Variants in CACNG2 observed in about 807,000 individuals in gnomAD.
The protein encoded by CACNG2 is calcium voltage-gated channel auxiliary subunit gamma 2.
In CACNG2, 3 loss-of-function variants were observed where a neutral mutation model predicts 25.9. The ratio of observed to expected loss-of-function variants is 0.12; its 90% CI spans 0.05 to 0.30. The LOEUF is 0.30. CACNG2 is among the 10% of genes least tolerant of loss of function. The probability of loss-of-function intolerance (pLI) is 1.00; values close to 1 mark genes in which losing one functional copy is unlikely to be tolerated. For synonymous variants in CACNG2, 167 were observed against 173.3 expected (o/e 0.96, Z 0.29); for missense variants, 341 against 432.5 (o/e 0.79, Z 1.88).
intron 1 of CACNG2, among the ~76,000 whole-genome samples, chr22:36,685,968 C>G (rs1293231730): frequency 2.0e-5 from 3 of 152,222 alleles, no homozygotes; most frequent in Admixed American, 1.3e-4. Context: ...GGCACTGTGC[C>G]GGACAGCCGG....
chr22:36,702,199 A>T (rs41307225), intron 1 of CACNG2, among the ~76,000 whole-genome samples, 167 bp downstream of exon 1: 1,810 of 150,850 alleles, frequency 0.012, 5 homozygotes, highest in Non-Finnish European at 0.018. Flanking sequence ...TTGCTTATTG[A>T]TTTTCTTTCC....
At chr22:36,678,252 A>C (rs1310110433) in intron 1 of CACNG2, among the ~76,000 whole-genome samples, 1 of 152,184 alleles carries the variant, frequency 6.6e-6, no homozygotes, top group East Asian at 1.9e-4. Context: ...CCTGGCTGAA[A>C]TTTATGTCAC....
chr22:36,643,230 C>T (rs182755057), intron 1 of CACNG2, among the ~76,000 whole-genome samples: 148 of 149,618 alleles, frequency 9.9e-4, no homozygotes, highest in African/African-American at 3.5e-3. Flanking sequence ...TTCCTTCCTT[C>T]CCTTTTTGTC....
chr22:36,701,210 T>TC (rs1419377136), intron 1 of CACNG2, among the ~76,000 whole-genome samples: 1 of 152,070 alleles, frequency 6.6e-6, no homozygotes, highest in Non-Finnish European at 1.5e-5. Context: ...CCTCTTTTTT[T>TC]CCCCCACATG....
intron 1 of CACNG2, among the ~76,000 whole-genome samples, chr22:36,591,789 G>A (rs892173535): frequency 2.6e-5 from 4 of 152,166 alleles, no homozygotes; most frequent in Non-Finnish European, 4.4e-5. Context: ...CACAGCACAA[G>A]GGGGGTGGTG....
At chr22:36,589,343 G>T (rs1935552634) in intron 1 of CACNG2, among the ~76,000 whole-genome samples, 1 of 152,064 alleles carries the variant, frequency 6.6e-6, no homozygotes, top group South Asian at 2.1e-4. Flanking sequence ...TATATATTAG[G>T]TTGGTGCAAA....
At chr22:36,640,653 C>T (rs755015154) in intron 1 of CACNG2, among the ~76,000 whole-genome samples, 1 of 152,248 alleles carries the variant, frequency 6.6e-6, no homozygotes, top group Non-Finnish European at 1.5e-5. Flanking sequence ...CACCTTCCCT[C>T]ACTCACTCCT....
intron 1 of CACNG2, among the ~76,000 whole-genome samples, chr22:36,592,950 G>A (rs955476564): frequency 6.6e-6 from 1 of 152,186 alleles, no homozygotes; most frequent in Non-Finnish European, 1.5e-5. Context: ...GCCCAGCCCA[G>A]CCCAGTCCCA....
chr22:36,588,478 T>C (rs895314425), intron 1 of CACNG2, among the ~76,000 whole-genome samples: 3 of 152,182 alleles, frequency 2.0e-5, no homozygotes, highest in African/African-American at 7.2e-5. Context: ...GAGCATCGGC[T>C]TCCTGACAGC....
In CACNG2 at chr22:36,702,739, A is replaced by G; in HGVS notation, c.-163T>C. 3 of 603,480 alleles carry G rather than the reference A, an allele frequency of 5.0e-6. No individual in the cohort carries two copies. In the South Asian group the frequency reaches 6.5e-5, roughly 13 times the overall value. 37.4% of individuals were successfully genotyped at this position (603,480 alleles called of 1,614,324 possible). A position where few individuals can be genotyped will look rare whatever the true frequency, so the allele number is the denominator to read the frequency against. ...AGAGAATATGGAGAGTTATAAAAAA[A>G]GGGAGGTAAGAAAGCTCACGGAAAA... On this transcript the variant is annotated 5_prime_UTR_variant, in exon 1 of 4. Transcript: ENST00000300105.
chr22:36,605,367 G>T (rs1935815403), intron 1 of CACNG2, among the ~76,000 whole-genome samples: 1 of 152,174 alleles, frequency 6.6e-6, no homozygotes, highest in South Asian at 2.1e-4. Context: ...GAGCCACCAT[G>T]CCCGGCCCCA....
intron 1 of CACNG2, among the ~76,000 whole-genome samples, chr22:36,681,554 G>A (rs1444727859): frequency 6.7e-6 from 1 of 148,166 alleles, no homozygotes; most frequent in Non-Finnish European, 1.5e-5. Flanking sequence ...TTTTTGGGGG[G>A]CAGCCACTTT....
intron 2 of CACNG2, among the ~76,000 whole-genome samples, chr22:36,568,619 G>C (rs1317644176): frequency 2.0e-5 from 3 of 151,944 alleles, no homozygotes; most frequent in African/African-American, 7.3e-5. Flanking sequence ...TGGCCAGGCT[G>C]GTCTTGAACT....
At chr22:36,645,873 A>G (rs1346201334) in intron 1 of CACNG2, among the ~76,000 whole-genome samples, 2 of 152,228 alleles carry the variant, frequency 1.3e-5, no homozygotes, top group African/African-American at 4.8e-5. Flanking sequence ...GTGTATCCAA[A>G]CTTTAAAAGT....
intron 1 of CACNG2, among the ~76,000 whole-genome samples, chr22:36,627,846 C>A (rs746311940): frequency 3.3e-5 from 5 of 151,674 alleles, no homozygotes; most frequent in Non-Finnish European, 5.9e-5. Context: ...ACTGTTGTCA[C>A]CTGATAACTT....
intron 1 of CACNG2, among the ~76,000 whole-genome samples, chr22:36,688,539 C>CAAAAAAAAA (rs35964599): frequency 2.9e-5 from 2 of 70,142 alleles, no homozygotes; most frequent in African/African-American, 5.1e-5. Flanking sequence ...GACCCTGTCT[C>CAAAAAAAAA]AAAAAAAAAA....
chr22:36,677,029 G>A (rs1937029128), intron 1 of CACNG2, among the ~76,000 whole-genome samples: 1 of 151,254 alleles, frequency 6.6e-6, no homozygotes, highest in Admixed American at 6.6e-5. Context: ...TAATACTTCG[G>A]TGTCACCTCT....
intron 1 of CACNG2, among the ~76,000 whole-genome samples, chr22:36,686,291 C>T (rs1260895485): frequency 6.6e-6 from 1 of 152,178 alleles, no homozygotes; most frequent in Non-Finnish European, 1.5e-5. Context: ...TATAAAGGCT[C>T]ATCTCTAAGG....
At chr22:36,680,349 T>TACC (rs1937091145) in intron 1 of CACNG2, among the ~76,000 whole-genome samples, 1 of 94,956 alleles carries the variant, frequency 1.1e-5, no homozygotes, top group Non-Finnish European at 2.2e-5. Flanking sequence ...CCATCATCAC[T>TACC]ACCACCATCA....
Sources: allele counts gnomAD v4.1 joint callset (sites outside exome capture counted in the v4.1 genomes callset), GRCh38; gene constraint gnomAD v4.1.1; transcripts MANE v1.5; gene names NCBI Gene and HGNC (gene_info 2026-07-23, HGNC 2026-07-21).